Variants in MAP3K3 observed in about 807,000 individuals in gnomAD.
MAP3K3 encodes mitogen-activated protein kinase kinase kinase 3, also known as MAP/ERK kinase kinase 3.
In MAP3K3, 12 loss-of-function variants were observed where a neutral mutation model predicts 80.9. The ratio of observed to expected loss-of-function variants is 0.15; its 90% CI spans 0.10 to 0.24. The LOEUF (loss-of-function observed/expected upper bound fraction) is 0.24. Among genes scored for constraint, MAP3K3 ranks in the 10% least tolerant of loss-of-function variants. The pLI is 1.00. For synonymous variants in MAP3K3, 272 were observed against 307.1 expected (o/e 0.89, Z 1.19); for missense variants, 596 against 834.7 (o/e 0.71, Z 3.52).
At chr17:63,624,734 A>G (rs1199179197) in intron 1 of MAP3K3, among the ~76,000 whole-genome samples, 2 of 152,230 alleles carry the variant, frequency 1.3e-5, no homozygotes, top group Admixed American at 6.5e-5. Context: ...AAGCTAGTTT[A>G]AGAACCACTG....
intron 2 of MAP3K3, chr17:63,634,837 A>G (rs780317452): frequency 6.5e-7 from 1 of 1,549,916 alleles, no homozygotes; most frequent in Non-Finnish European, 8.9e-7. Context: ...GCCAAAATGT[A>G]CTTTTAAATC....
At position 63,646,065 on chromosome 17, in the gene MAP3K3, G is replaced by C; in HGVS notation, c.158G>C (p.Gly53Ala). 6.2e-7 allele frequency: 1 copy of C among 1,614,014 alleles called. No individual in the cohort carries two copies. Residue 53 changes from glycine to alanine, a missense_variant, in exon 3 of 16, where the codon GGG (glycine) becomes GCG (alanine). Coordinates refer to ENST00000361733, the MANE Select transcript of MAP3K3 (RefSeq NM_002401.5). ...SDVRIKFEHN[G>A]ERRIIAFSRP... ...GTCAGAATCAAGTTCGAGCACAACG[G>C]GGAGAGGCGGTAAGTCTGCCTTCTG...
At chr17:63,676,145 C>T (rs542299432) in intron 6 of MAP3K3, among the ~76,000 whole-genome samples, 7 of 152,344 alleles carry the variant, frequency 4.6e-5, no homozygotes, top group African/African-American at 1.7e-4. Flanking sequence ...GCCGCTGGCA[C>T]ATAGCCCATC....
rs1411703540 is a variant in MAP3K3 at position 63,690,499 on chromosome 17, G to T, written c.1212+87G>T. The T allele has an allele frequency of 3.5e-6, 5 of 1,418,192 alleles. No homozygotes were observed. The South Asian group carries it at 3.9e-5, about 11-fold the overall frequency. The allele number at this position is 1,418,192 out of a possible 1,614,324, so 87.9% of individuals were successfully genotyped here. A position where few individuals can be genotyped will look rare whatever the true frequency, so the allele number is the denominator to read the frequency against. ...ACACAGAGTAGTTGCCTGAGATGCTGTAGGTTGCTTCCTCTGTCATTCTTC... is the reference window on the plus strand; with the variant it reads ...ACACAGAGTAGTTGCCTGAGATGCTTTAGGTTGCTTCCTCTGTCATTCTTC... On this transcript the variant is annotated intron_variant, in intron 12 of 15. Transcript: ENST00000361733.
intron 6 of MAP3K3, among the ~76,000 whole-genome samples, chr17:63,678,007 T>C (rs924949326): frequency 5.9e-5 from 9 of 152,324 alleles, no homozygotes; most frequent in South Asian, 4.1e-4. Flanking sequence ...CAAGGAGAAG[T>C]TATGTCTTGT....
chr17:63,636,051 C>T (rs1389377270), intron 2 of MAP3K3, among the ~76,000 whole-genome samples: 1 of 152,188 alleles, frequency 6.6e-6, no homozygotes, highest in East Asian at 1.9e-4. Context: ...GAGACTGGCA[C>T]AGCTTCATGG....
intron 5 of MAP3K3, among the ~76,000 whole-genome samples, chr17:63,660,693 A>G (rs1196228390): frequency 6.6e-6 from 1 of 151,820 alleles, no homozygotes; most frequent in Non-Finnish European, 1.5e-5. Flanking sequence ...TCCAGGTTCA[A>G]GTGATTCTCC....
chr17:63,650,688 GAGAGAGA>G (rs1261209290), intron 3 of MAP3K3, among the ~76,000 whole-genome samples: 9 of 147,222 alleles, frequency 6.1e-5, no homozygotes, highest in African/African-American at 2.4e-4. Flanking sequence ...GAGAGAGAGA[GAGAGAGA>G]GTTTTTTTTT....
At chr17:63,643,349 A>G (rs1013634925) in intron 2 of MAP3K3, among the ~76,000 whole-genome samples, 1 of 151,968 alleles carries the variant, frequency 6.6e-6, no homozygotes, top group African/African-American at 2.4e-5. Flanking sequence ...ACAAAAAGTT[A>G]CAAATTAGCC....
chr17:63,665,790 A>G (rs976031375), intron 5 of MAP3K3, among the ~76,000 whole-genome samples: 5 of 152,226 alleles, frequency 3.3e-5, no homozygotes, highest in Non-Finnish European at 7.3e-5. Context: ...CAGTTTTTCA[A>G]GACAACCTGC....
At position 63,693,102 on chromosome 17, in the gene MAP3K3, A is replaced by G. The variant is rs534947043; in HGVS notation, c.1653-447A>G. 5.3e-5 allele frequency among the ~76,000 whole-genome samples: 8 copies of G among 152,242 alleles called. No individual in the cohort carries two copies. Among genetic ancestry groups the G allele is most frequent in the Non-Finnish European group, 1.2e-4 (8 of 67,998 alleles). The stretch of plus-strand genomic sequence containing the variant: ...CCACGAAATGCAGGTGGCCTCTAGA[A>G]CCCAGGAAAGGCAAGGAAACAGGTT... On this transcript the variant is annotated intron_variant, in intron 15 of 15. Coordinates refer to ENST00000361733, the MANE Select transcript of MAP3K3 (RefSeq NM_002401.5). This position sits in a 1 kb window ranked among gnomAD's most constrained non-coding sequence, Gnocchi z 4.2.
chr17:63,636,541 G>T, intron 2 of MAP3K3: 1 of 155,962 alleles, frequency 6.4e-6, no homozygotes, highest in South Asian at 1.9e-4. Context: ...AGTTATCAAT[G>T]GGTGTTAGTT....
Position 63,691,320 on chromosome 17 carries a change from A to G in MAP3K3, c.1344+87A>G. 6.3e-7 allele frequency: 1 copy of G among 1,583,298 alleles called. No individual in the cohort carries two copies. Among genetic ancestry groups the G allele is most frequent in the Non-Finnish European group, 8.6e-7 (1 of 1,159,666 alleles). On this transcript the variant is annotated intron_variant, in intron 13 of 15. Coordinates refer to ENST00000361733, the MANE Select transcript of MAP3K3 (RefSeq NM_002401.5). This position sits in a 1 kb window ranked among gnomAD's most constrained non-coding sequence, Gnocchi z 4.8. ...GCCTGCAGGAGGGGGGTCACCTTGG[A>G]TAGGAGTTTGAACACCTGAGGCTCC...
Position 63,688,772 on chromosome 17 carries a change from T to G in MAP3K3, c.779-17T>G. Reference sequence around the variant, plus strand: ...ATTGACCTACCCAGAAGCCAGTGATTCCCCTGTCTTACTCAGATCGGGAAA... The same window carrying G: ...ATTGACCTACCCAGAAGCCAGTGATGCCCCTGTCTTACTCAGATCGGGAAA... On this transcript the variant is annotated splice_polypyrimidine_tract_variant and intron_variant, in intron 9 of 15. Coordinates refer to ENST00000361733, the MANE Select transcript of MAP3K3 (RefSeq NM_002401.5). 1 of 1,579,088 alleles carries G rather than the reference T, an allele frequency of 6.3e-7. No individual in the cohort carries two copies. Among genetic ancestry groups the G allele is most frequent in the South Asian group, 1.1e-5 (1 of 90,356 alleles).
At chr17:63,641,318 C>T (rs2034437275) in intron 2 of MAP3K3, among the ~76,000 whole-genome samples, 1 of 151,178 alleles carries the variant, frequency 6.6e-6, no homozygotes, top group Non-Finnish European at 1.5e-5. Flanking sequence ...TCTCGGCTTG[C>T]TGCAACCTCC....
chr17:63,693,769 A>G lies in MAP3K3; in HGVS notation c.1873A>G (p.Met625Val). 6.3e-7 allele frequency: 1 copy of G among 1,596,554 alleles called. No individual in the cohort carries two copies. Among genetic ancestry groups the G allele is most frequent in the Non-Finnish European group, 8.5e-7 (1 of 1,170,942 alleles). ...ELLTHHFAQL[M>V]Y ...GCTCACACACCACTTTGCACAGCTC[A>G]TGTACTGAGCTCTCACGGCCACACA... Residue 625 changes from methionine to valine, a missense_variant, in exon 16 of 16, where the codon ATG becomes GTG. Coordinates refer to ENST00000361733, the MANE Select transcript of MAP3K3 (RefSeq NM_002401.5). This position sits in a 1 kb window ranked among gnomAD's most constrained non-coding sequence, Gnocchi z 4.2.
At chr17:63,678,529 GAGT>G (rs1205956418) in intron 6 of MAP3K3, among the ~76,000 whole-genome samples, 30 of 152,320 alleles carry the variant, frequency 2.0e-4, no homozygotes, top group African/African-American at 7.0e-4. Context: ...CTTTGCTCTG[GAGT>G]CAGGTGGGGA....
rs1389556937 is a variant in MAP3K3, at chr17:63,694,297, C to T, written c.*520C>T. On this transcript the variant is annotated 3_prime_UTR_variant, in exon 16 of 16. Transcript: ENST00000361733. ...GGCAGGCAGAGGCCCAGGCTGCCGT[C>T]CCCTAGAGTCCCAGGTTGGCTCTGC... is the stretch of plus-strand genomic sequence containing the variant. 1 of 153,044 alleles carries T rather than the reference C, an allele frequency of 6.5e-6. No individual in the cohort carries two copies. The highest frequency in any genetic ancestry group is 1.9e-4 in the East Asian group (1 of 5,204). 9.5% of individuals were successfully genotyped at this position (153,044 alleles called of 1,614,324 possible).
chr17:63,684,216 C>A (rs950864827), intron 7 of MAP3K3, among the ~76,000 whole-genome samples: 1 of 152,138 alleles, frequency 6.6e-6, no homozygotes, highest in Admixed American at 6.5e-5. Flanking sequence ...CCATAAAGAA[C>A]GTCATTTTTT....
Sources: gnomAD v4.1 joint callset for allele counts (sites outside exome capture counted in the v4.1 genomes callset) on GRCh38, gnomAD v4.1.1 for gene constraint, Gnocchi (gnomAD v3.1) non-coding constraint, MANE v1.5 for transcripts, NCBI Gene and HGNC (gene_info 2026-07-23, HGNC 2026-07-21) for gene names.